KIAA1755: variants seen among roughly 807,000 people sequenced by gnomAD.
The protein encoded by KIAA1755 is uncharacterized protein KIAA1755.
A neutral mutation model predicts 91.7 loss-of-function variants in KIAA1755; 68 were observed. The observed-to-expected ratio is 0.74, with a 90% CI of 0.61 to 0.91. The LOEUF is 0.91. Ranked by LOEUF, KIAA1755 falls within the 40% of genes least tolerant of loss-of-function variation. The pLI, the probability that KIAA1755 is intolerant of heterozygous loss-of-function variation, is 0.00. For synonymous variants in KIAA1755, 610 were observed against 604.6 expected (o/e 1.01, Z -0.13); for missense variants, 1,535 against 1,494.4 (o/e 1.03, Z -0.45).
chr20:38,223,596 G>A lies in KIAA1755; in HGVS notation c.2210C>T (p.Ser737Phe). The change falls in exon 9 of 14, where the codon TCC (serine) becomes TTC (phenylalanine). Residue 737 changes from serine to phenylalanine, a missense_variant. Physicochemically the swap from Ser to Phe is radical, Grantham distance 155. Transcript: ENST00000279024. Reference protein sequence around the residue: ...PFLADLHQASSLLQASIEEFE... With the variant: ...PFLADLHQASFLLQASIEEFE... ...TTCCTCGATGGAAGCTTGTAGCAGG[G>A]AAGAGGCCTGGTGGAGGTCAGCAAG... The A allele has an allele frequency of 1.2e-6, 2 of 1,603,958 alleles. No individual in the cohort carries two copies. Among genetic ancestry groups the A allele is most frequent in the Non-Finnish European group, 1.7e-6 (2 of 1,176,004 alleles).
chr20:38,251,567 CT>C (rs35945102), intron 1 of KIAA1755, among the ~76,000 whole-genome samples: 41,799 of 137,288 alleles, frequency 0.3, 5,881 homozygotes, highest in African/African-American at 0.44. Flanking sequence ...CTATTATAGT[CT>C]TTTTTTTTTT....
chr20:38,231,369 G>A (rs1214201280), intron 4 of KIAA1755, 44 bp from the exon 5 acceptor site: 3 of 1,556,622 alleles, frequency 1.9e-6, no homozygotes, highest in African/African-American at 1.4e-5. Context: ...ACTTGTGGGG[G>A]GCCCTCTAGG....
chr20:38,243,077 C>T (rs2076096356), intron 2 of KIAA1755, among the ~76,000 whole-genome samples: 1 of 152,218 alleles, frequency 6.6e-6, no homozygotes, highest in Non-Finnish European at 1.5e-5. Context: ...ACGGAAACAA[C>T]AGCTCCACTG....
intron 1 of KIAA1755, among the ~76,000 whole-genome samples, chr20:38,257,047 A>G (rs1172087112): frequency 6.6e-6 from 1 of 152,028 alleles, no homozygotes; most frequent in East Asian, 1.9e-4. Context: ...CACCCTTCAG[A>G]GCCCTTCCAG....
chr20:38,258,540 G>A (rs796132255), intron 1 of KIAA1755, among the ~76,000 whole-genome samples: 18 of 152,318 alleles, frequency 1.2e-4, no homozygotes, highest in African/African-American at 4.3e-4. Flanking sequence ...TTATCATAAA[G>A]GAAAGATACA....
rs148096148 is a variant in KIAA1755, at chr20:38,221,414, G to A, written c.2417+1035C>T. ...ACCAGGCACTGAGGGGCAGGGAGAT[G>A]ACCCCATACCAGTGCTGCCCGTGCG... On this transcript the variant is annotated intron_variant, in intron 10 of 13. Transcript: ENST00000279024. Among the ~76,000 whole-genome samples the A allele has an allele frequency of 7.1e-3, 1,076 of 152,260 alleles. 7 individuals carry two copies. The highest frequency in any genetic ancestry group is 0.012 in the Non-Finnish European group (788 of 68,004).
intron 11 of KIAA1755, 52 bp from the exon 12 acceptor site, chr20:38,218,418 T>C (rs745991040): frequency 6.2e-7 from 1 of 1,605,452 alleles, no homozygotes; most frequent in Non-Finnish European, 8.5e-7. Flanking sequence ...GAGACCTCCC[T>C]TGTCCAGCTC....
intron 1 of KIAA1755, among the ~76,000 whole-genome samples, chr20:38,252,612 A>G (rs1255806243): frequency 6.6e-6 from 1 of 152,044 alleles, no homozygotes; most frequent in East Asian, 1.9e-4. Context: ...AGCTGTGGGG[A>G]CTGACGATCC....
At chr20:38,240,486 C>T (rs2076035982) in intron 3 of KIAA1755, 96 bp downstream of exon 3, 3 of 1,275,796 alleles carry the variant, frequency 2.4e-6, no homozygotes, top group Non-Finnish European at 2.1e-6. Context: ...CTGAGCCAGC[C>T]CAGGTGGTCT....
intron 4 of KIAA1755, 104 bp from the exon 5 acceptor site, chr20:38,231,429 G>T: frequency 7.8e-7 from 1 of 1,275,794 alleles, no homozygotes; most frequent in Non-Finnish European, 1.0e-6. Flanking sequence ...TCCTTTGCCT[G>T]GAACACCCTT....
intron 4 of KIAA1755, among the ~76,000 whole-genome samples, chr20:38,238,010 A>C (rs920512462): frequency 6.6e-6 from 1 of 152,194 alleles, no homozygotes; most frequent in African/African-American, 2.4e-5. Context: ...GAATTACAAC[A>C]AAAGTAACTG....
intron 13 of KIAA1755, 107 bp downstream of exon 13, chr20:38,217,146 G>A (rs984680424): frequency 2.1e-6 from 2 of 946,910 alleles, no homozygotes; most frequent in African/African-American, 1.6e-5. Flanking sequence ...GATGGGGGCG[G>A]TGTCTATGCA....
intron 1 of KIAA1755, among the ~76,000 whole-genome samples, chr20:38,251,906 A>T (rs538213504): frequency 1.3e-5 from 2 of 152,258 alleles, no homozygotes; most frequent in Admixed American, 1.3e-4. Context: ...AGTAAAATAA[A>T]CAAATTTAAA....
chr20:38,255,951 AT>A (rs1192643083), intron 1 of KIAA1755, among the ~76,000 whole-genome samples: 1 of 152,038 alleles, frequency 6.6e-6, no homozygotes, highest in Non-Finnish European at 1.5e-5. Flanking sequence ...CATGATCACA[AT>A]TGTAACCAGA....
In KIAA1755 at chr20:38,222,454, A is replaced by G. The variant is rs2075676490; in HGVS notation, c.2412T>C (p.Asp804=). Residue 804 remains aspartate, a synonymous_variant, in exon 10 of 14, where the codon GAT becomes GAC. Coordinates refer to ENST00000279024, the MANE Select transcript of KIAA1755 (RefSeq NM_001029864.2). ...AAAGGCCTGGACGTCTGTACCTGAC[A>G]TCAGGGCTGAAGTCCAGCCTGCTGG... is the stretch of plus-strand genomic sequence containing the variant. The part of the protein sequence containing the change: ...HDASRLDFSP[D]VRSHLAAATA... The G allele has an allele frequency of 6.2e-7, 1 of 1,612,820 alleles. No individual in the cohort carries two copies. Among genetic ancestry groups the G allele is most frequent in the South Asian group, 1.1e-5 (1 of 91,020 alleles).
chr20:38,231,134 T>C, intron 5 of KIAA1755, 68 bp downstream of exon 5: 1 of 1,498,536 alleles, frequency 6.7e-7, no homozygotes, highest in African/African-American at 1.4e-5. Flanking sequence ...ACTCAGTGTC[T>C]GGTCCAGGGC....
intron 4 of KIAA1755, among the ~76,000 whole-genome samples, chr20:38,236,521 AG>A (rs2075963353): frequency 6.6e-6 from 1 of 152,206 alleles, no homozygotes; most frequent in Non-Finnish European, 1.5e-5. Context: ...ATGAGGAGAC[AG>A]GAAAGGAGGC....
Position 38,228,283 on chromosome 20 carries a change from C to A in KIAA1755, c.1872-43G>T. The A allele has an allele frequency of 2.0e-6, 3 of 1,499,400 alleles. No homozygotes were observed. The South Asian group carries it at 3.8e-5, about 19-fold the overall frequency. 92.9% of individuals were successfully genotyped at this position (1,499,400 alleles called of 1,614,324 possible). ...AATTGACAGTCTTGCTGGATGGCCTCGGACAGGGGGCAGGACCTAGTGGAA... is the reference window on the plus strand; with the variant it reads ...AATTGACAGTCTTGCTGGATGGCCTAGGACAGGGGGCAGGACCTAGTGGAA... On this transcript the variant is annotated intron_variant, in intron 5 of 13. Transcript: ENST00000279024.
chr20:38,240,778 G>C lies in KIAA1755; in HGVS notation c.1353C>G (p.Pro451=). ...TTCTGCTAGGGCAGGGCATGGGCTTGGGAAGTCTCCCATTTCTCTCTTTGG... is the reference window on the plus strand; with the variant it reads ...TTCTGCTAGGGCAGGGCATGGGCTTCGGAAGTCTCCCATTTCTCTCTTTGG... The part of the protein sequence containing the change: ...VKTKERNGRL[P]KPMPCPSRNT... The change falls in exon 3 of 14, where the codon CCC becomes CCG. Residue 451 remains proline (P), a synonymous_variant. Transcript: ENST00000279024. 1 of 1,605,372 alleles carries C rather than the reference G, an allele frequency of 6.2e-7. No homozygotes were observed. Among genetic ancestry groups the C allele is most frequent in the Non-Finnish European group, 8.5e-7 (1 of 1,175,496 alleles).
Sources: allele counts gnomAD v4.1 joint callset (sites outside exome capture counted in the v4.1 genomes callset), GRCh38; gene constraint gnomAD v4.1.1; transcripts MANE v1.5; gene names NCBI Gene and HGNC (gene_info 2026-07-23, HGNC 2026-07-21).